MED29: variants seen among roughly 807,000 people sequenced by gnomAD.
MED29 encodes the protein mediator complex subunit 29.
In MED29, 14 loss-of-function variants were observed where a neutral mutation model predicts 22.0. The observed-to-expected ratio is 0.64, with a 90% CI of 0.42 to 0.99. MED29 has a LOEUF of 0.99. Ranked by LOEUF, MED29 falls within the 50% of genes least tolerant of loss-of-function variation. The probability of loss-of-function intolerance (pLI) is 0.00; values close to 1 mark genes in which losing one functional copy is unlikely to be tolerated. For synonymous variants in MED29, 123 were observed against 107.8 expected (o/e 1.14, Z -0.87); for missense variants, 241 against 253.7 (o/e 0.95, Z 0.34).
intron 1 of MED29, 22 bp from the exon 2 acceptor site, chr19:39,392,442 G>GTTTTGT: frequency 6.2e-7 from 1 of 1,612,618 alleles, no homozygotes; most frequent in Non-Finnish European, 8.5e-7. Flanking sequence ...TTTCCCACGT[G>GTTTTGT]TTTTGTTTTT....
intron 3 of MED29, 111 bp downstream of exon 3, chr19:39,393,748 G>A: frequency 3.4e-6 from 3 of 884,544 alleles, no homozygotes; most frequent in Non-Finnish European, 5.7e-6. Context: ...CTGTGGGCCA[G>A]ACCTGTGCTT....
Position 39,397,901 on chromosome 19 carries a change from T to C in MED29, c.*202T>C, listed in dbSNP as rs1600628290. 3.8e-6 allele frequency: 3 copies of C among 795,626 alleles called. No homozygotes were observed. In the East Asian group the frequency reaches 8.1e-5, roughly 21 times the overall value. The allele number at this position is 795,626 out of a possible 1,614,324, so 49.3% of individuals were successfully genotyped here. A position where few individuals can be genotyped will look rare whatever the true frequency, so the allele number is the denominator to read the frequency against. ...TGCCCCTTCTTCCTGCTCCCCCTCC[T>C]AGCCTAGGGTAGACTTTGAACTGTG... is the stretch of plus-strand genomic sequence containing the variant. On this transcript the variant is annotated 3_prime_UTR_variant, in exon 4 of 4. Transcript: ENST00000315588.
At position 39,397,963 on chromosome 19, in the gene MED29, C is replaced by T; in HGVS notation, c.*264C>T. 5.2e-6 allele frequency: 3 copies of T among 578,670 alleles called. No homozygotes were observed. Among genetic ancestry groups the T allele is most frequent in the South Asian group, 2.5e-5 (1 of 40,282 alleles). 35.8% of individuals were successfully genotyped at this position (578,670 alleles called of 1,614,324 possible). On this transcript the variant is annotated 3_prime_UTR_variant, in exon 4 of 4. Transcript: ENST00000315588. ...CTTCTCTGTTCCACAGGCCCTCCCC[C>T]ATTCTTGCCTGGGTGTGGAGCCCTG...
chr19:39,393,411 T>C lies in MED29; in HGVS notation c.276-142T>C, dbSNP rs189240682. 5,190 of 766,312 alleles carry C rather than the reference T, an allele frequency of 6.8e-3. 35 individuals carry two copies. Among genetic ancestry groups the C allele is most frequent in the Non-Finnish European group, 9.7e-3 (4,423 of 458,040 alleles). 47.5% of individuals were successfully genotyped at this position (766,312 alleles called of 1,614,324 possible). On this transcript the variant is annotated intron_variant, in intron 2 of 3. Transcript: ENST00000315588. ...GTGCCCAGCCTCCTTTTCTTTTTTT[T>C]TGAACCCCTCCGGTTTTCAACCACT...
At chr19:39,391,974 G>A (rs541100797) in intron 1 of MED29, among the ~76,000 whole-genome samples, 1 of 152,240 alleles carries the variant, frequency 6.6e-6, no homozygotes, top group East Asian at 1.9e-4. Context: ...GCAGTGAGCC[G>A]ACATCGTGCC....
At chr19:39,392,598 C>T in intron 2 of MED29, 76 bp downstream of exon 2, 2 of 1,300,272 alleles carry the variant, frequency 1.5e-6, no homozygotes, top group East Asian at 2.3e-5. Flanking sequence ...TCTCCTGCTC[C>T]CCGCCCACCT....
chr19:39,400,043 A>G lies in MED29; in HGVS notation c.*2344A>G, dbSNP rs1814410674. The stretch of plus-strand genomic sequence containing the variant: ...GAGACAGTAAATGTGACAAAAGTAA[A>G]ATATATCAGATGGTGAGAAAACAGA... On this transcript the variant is annotated 3_prime_UTR_variant, in exon 4 of 4. Coordinates refer to ENST00000315588, the MANE Select transcript of MED29 (RefSeq NM_017592.4). The G allele has an allele frequency of 6.6e-6, 1 of 152,186 alleles. No individual in the cohort carries two copies. The highest frequency in any genetic ancestry group is 2.1e-4 in the South Asian group (1 of 4,840). 9.4% of individuals were successfully genotyped at this position (152,186 alleles called of 1,614,324 possible).
Position 39,391,511 on chromosome 19 carries a change from A to G in MED29, c.89A>G (p.Gln30Arg). Residue 30 changes from glutamine (Q) to arginine (R), a missense_variant, in exon 1 of 4, where the codon CAG becomes CGG. Transcript: ENST00000315588. ...TCGGCTGGCGGCCCGGGTCCCCAGC[A>G]GCAGCCGCAACCGCCAGCACAACTG... ...PSSAGGPGPQ[Q>R]QPQPPAQLVG... The G allele has an allele frequency of 6.2e-7, 1 of 1,612,724 alleles. No individual in the cohort carries two copies. The highest frequency in any genetic ancestry group is 8.5e-7 in the Non-Finnish European group (1 of 1,179,880).
intron 3 of MED29, 125 bp downstream of exon 3, chr19:39,393,762 C>T: frequency 2.5e-6 from 2 of 800,130 alleles, no homozygotes; most frequent in Non-Finnish European, 4.3e-6. Context: ...TGTGCTTCCA[C>T]CAACACTGAG....
chr19:39,397,546 G>A lies in MED29; in HGVS notation c.450G>A (p.Val150=), dbSNP rs759904520. The change falls in exon 4 of 4, where the codon GTG becomes GTA. Residue 150 remains valine, a synonymous_variant. Transcript: ENST00000315588. ...CCACAGCCACCAAGCCCGACGCAGT[G>A]CAGCCTGACAGCCTCCCCTACCCAC... is the stretch of plus-strand genomic sequence containing the variant. ...LVPTATKPDA[V]QPDSLPYPQY... 5 of 1,613,482 alleles carry A rather than the reference G, an allele frequency of 3.1e-6. No individual in the cohort carries two copies. In the Admixed American group the frequency reaches 8.3e-5, roughly 27 times the overall value.
At chr19:39,395,790 G>A (rs913172776) in intron 3 of MED29, among the ~76,000 whole-genome samples, 19 of 151,976 alleles carry the variant, frequency 1.3e-4, no homozygotes, top group African/African-American at 1.2e-4. Flanking sequence ...GGTGGCAGGC[G>A]CCTGCAGTCC....
chr19:39,397,382 C>A, intron 3 of MED29, 75 bp from the exon 4 acceptor site: 3 of 1,510,808 alleles, frequency 2.0e-6, no homozygotes, highest in Non-Finnish European at 2.7e-6. Flanking sequence ...GCCGACAACC[C>A]CCAGCTGGCC....
chr19:39,394,556 C>CT (rs775465635), intron 3 of MED29, among the ~76,000 whole-genome samples: 5,395 of 69,214 alleles, frequency 0.078, 1,149 homozygotes, highest in African/African-American at 0.15. Flanking sequence ...TGCACCCGGC[C>CT]TTTTTTTTTT....
At chr19:39,394,707 G>A (rs1487109629) in intron 3 of MED29, among the ~76,000 whole-genome samples, 4 of 149,964 alleles carry the variant, frequency 2.7e-5, no homozygotes, top group Non-Finnish European at 5.9e-5. Flanking sequence ...GGGACTACAG[G>A]CACGCACCAC....
At chr19:39,397,414 C>T (rs762454263) in intron 3 of MED29, 43 bp from the exon 4 acceptor site, 1 of 1,581,904 alleles carries the variant, frequency 6.3e-7, no homozygotes, top group Non-Finnish European at 8.6e-7. Flanking sequence ...GTAGAATGAC[C>T]TCGGGTGGAG....
chr19:39,391,847 A>G lies in MED29; in HGVS notation c.216+209A>G, dbSNP rs576376041. ...TCAGGAGTTCAAGACCAGCCTGGTG[A>G]AACCTCGTCTCTACTAAAAATACAA... On this transcript the variant is annotated intron_variant, in intron 1 of 3. Transcript: ENST00000315588. 3.9e-5 allele frequency among the ~76,000 whole-genome samples: 6 copies of G among 152,248 alleles called. No homozygotes were observed. The East Asian group carries it at 1.2e-3, about 29-fold the overall frequency.
intron 3 of MED29, 46 bp from the exon 4 acceptor site, chr19:39,397,411 G>T: frequency 6.3e-7 from 1 of 1,577,624 alleles, no homozygotes; most frequent in South Asian, 1.1e-5. Flanking sequence ...GGGGTAGAAT[G>T]ACCTCGGGTG....
rs2145955719 is a variant in MED29 at position 39,397,802 on chromosome 19, T to G, written c.*103T>G. The G allele has an allele frequency of 6.7e-7, 1 of 1,488,328 alleles. No individual in the cohort carries two copies. The highest frequency in any genetic ancestry group is 2.4e-5 in the East Asian group (1 of 41,280). 92.2% of individuals were successfully genotyped at this position (1,488,328 alleles called of 1,614,324 possible). ...CACAGCAGCCTCCTCTCTTCCTGCC[T>G]GAGCACCGCAGCGGGAGCCAGCAGG... is the stretch of plus-strand genomic sequence containing the variant. On this transcript the variant is annotated 3_prime_UTR_variant, in exon 4 of 4. Coordinates refer to ENST00000315588, the MANE Select transcript of MED29 (RefSeq NM_017592.4).
rs2078442299 is a variant in MED29, at chr19:39,398,382, T to C, written c.*683T>C. ...AGAGGAGCAGTGGAGGGGCCCAGGC[T>C]CTGAGCTCCACAGGTCTGAGCAGGG... On this transcript the variant is annotated 3_prime_UTR_variant, in exon 4 of 4. Transcript: ENST00000315588. 1 of 153,018 alleles carries C rather than the reference T, an allele frequency of 6.5e-6. No individual in the cohort carries two copies. Among genetic ancestry groups the C allele is most frequent in the African/African-American group, 2.4e-5 (1 of 41,442 alleles). 9.5% of individuals were successfully genotyped at this position (153,018 alleles called of 1,614,324 possible). A position where few individuals can be genotyped will look rare whatever the true frequency, so the allele number is the denominator to read the frequency against.
Sources: gnomAD v4.1 joint callset for allele counts (sites outside exome capture counted in the v4.1 genomes callset) on GRCh38, gnomAD v4.1.1 for gene constraint, MANE v1.5 for transcripts, NCBI Gene and HGNC (gene_info 2026-07-23, HGNC 2026-07-21) for gene names.